ZC3H12B: variants seen among roughly 807,000 people sequenced by gnomAD.
The protein encoded by ZC3H12B is probable ribonuclease ZC3H12B.
Under a neutral mutation model 43.9 loss-of-function variants are expected in ZC3H12B, and 7 were observed. The observed-to-expected ratio is 0.16, with a 90% CI of 0.09 to 0.30. The LOEUF is 0.30. Among genes scored for constraint, ZC3H12B ranks in the 10% least tolerant of loss-of-function variants. The probability of loss-of-function intolerance (pLI) is 1.00; values close to 1 mark genes in which losing one functional copy is unlikely to be tolerated. For missense variants in ZC3H12B, 475 were observed against 670.2 expected (o/e 0.71, Z 3.22); for synonymous variants, 222 against 241.7 (o/e 0.92, Z 0.76).
At chrX:65,456,559 C>T in intron 3 of ZC3H12B, among the ~76,000 whole-genome samples, 1 of 106,042 alleles carries the variant, frequency 9.4e-6, no homozygotes, top group South Asian at 4.5e-4. Flanking sequence ...CTGCCTCAGC[C>T]TGCCGAGTGC....
upstream of ZC3H12B, among the ~76,000 whole-genome samples, chrX:65,361,952 G>A (rs755963880): frequency 1.8e-5 from 2 of 112,302 alleles, no homozygotes; most frequent in Non-Finnish European, 3.8e-5. Context: ...GCAGCAGCCA[G>A]GCATTCCTCC....
At chrX:65,373,365 A>G (rs1445678947) in intron 2 of ZC3H12B, among the ~76,000 whole-genome samples, 1 of 111,631 alleles carries the variant, frequency 9.0e-6, no homozygotes, top group Non-Finnish European at 1.9e-5. Flanking sequence ...TAGAAATACC[A>G]TTTGATCCAG....
chrX:65,331,006 T>C, the ZC3H12B span: 1 of 336,626 alleles, frequency 3.0e-6, no homozygotes, highest in South Asian at 3.1e-5. Context: ...CTGAATGACT[T>C]TTTGACGTTC....
the ZC3H12B span, among the ~76,000 whole-genome samples, chrX:65,058,348 C>A: frequency 7.1e-5 from 8 of 112,179 alleles, no homozygotes; most frequent in Non-Finnish European, 1.5e-4. Context: ...CCACTCCAGA[C>A]CGTGTTTGCC....
intron 3 of ZC3H12B, chrX:65,408,247 A>G: frequency 8.6e-7 from 1 of 1,165,364 alleles, no homozygotes; most frequent in Non-Finnish European, 1.2e-6. Context: ...GTGAAAAGAC[A>G]GAAATGCAGA....
At chrX:65,036,113 A>G in the ZC3H12B span, among the ~76,000 whole-genome samples, 1 of 111,830 alleles carries the variant, frequency 8.9e-6, no homozygotes, top group Admixed American at 9.5e-5. Flanking sequence ...ACCGGAAGTG[A>G]TATTCTGGAC....
In ZC3H12B at chrX:65,411,960, A is replaced by G. The variant is rs1019649695; in HGVS notation, n.407+13256A>G. Reference sequence around the variant, plus strand: ...AAAACAATATTACAAATAATAATACATATATAATTTTTCAAAATTAACTTA... The same window carrying G: ...AAAACAATATTACAAATAATAATACGTATATAATTTTTCAAAATTAACTTA... On this transcript the variant is annotated intron_variant and non_coding_transcript_variant, in intron 3 of 5. Coordinates refer to the ZC3H12B transcript ENST00000617377. Among the ~76,000 whole-genome samples, 113 of 110,817 alleles carry G rather than the reference A, an allele frequency of 1.0e-3. 1 individual carries two copies. Among genetic ancestry groups the G allele is most frequent in the Non-Finnish European group, 4.2e-4 (22 of 52,945 alleles).
At chrX:65,105,245 G>T in the ZC3H12B span, among the ~76,000 whole-genome samples, 1 of 109,199 alleles carries the variant, frequency 9.2e-6, no homozygotes, top group Non-Finnish European at 1.9e-5. Flanking sequence ...ACACATCAGG[G>T]CCTGTCGGGG....
chrX:65,422,925 CT>C (rs34567013), intron 3 of ZC3H12B, among the ~76,000 whole-genome samples: 844 of 46,058 alleles, frequency 0.018, 1 homozygote, highest in African/African-American at 0.078. Flanking sequence ...TCTTTCTTTG[CT>C]TTTTTTTTTT....
chrX:65,075,896 CAG>C, the ZC3H12B span, among the ~76,000 whole-genome samples: 1 of 111,641 alleles, frequency 9.0e-6, no homozygotes. Flanking sequence ...CTAAGCTGGG[CAG>C]AGAGACCATG....
intron 3 of ZC3H12B, among the ~76,000 whole-genome samples, chrX:65,422,538 A>AT (rs112403027): frequency 1.2e-3 from 125 of 106,383 alleles, no homozygotes; most frequent in East Asian, 6.7e-3. Flanking sequence ...TTGATGTTTT[A>AT]TTTTTTTTTT....
At chrX:65,302,249 G>A in the ZC3H12B span, among the ~76,000 whole-genome samples, 2 of 110,663 alleles carry the variant, frequency 1.8e-5, no homozygotes, top group East Asian at 5.6e-4. Context: ...TTTACAGGTG[G>A]CATAATTGTC....
the ZC3H12B span, among the ~76,000 whole-genome samples, chrX:65,212,963 G>T: frequency 6.6e-5 from 7 of 106,674 alleles, no homozygotes; most frequent in Admixed American, 7.4e-4. Flanking sequence ...ACCATCATTG[G>T]TCTGTGTAAT....
At chrX:65,133,890 C>T in the ZC3H12B span, among the ~76,000 whole-genome samples, 2 of 110,680 alleles carry the variant, frequency 1.8e-5, no homozygotes, top group Non-Finnish European at 3.8e-5. Flanking sequence ...TAAAAGAATG[C>T]CTGGCAGTCA....
At chrX:65,381,365 AC>A (rs1287755798) in intron 2 of ZC3H12B, among the ~76,000 whole-genome samples, 1 of 112,027 alleles carries the variant, frequency 8.9e-6, no homozygotes, top group Non-Finnish European at 1.9e-5. Context: ...TGGGTACATA[AC>A]GAAATGAAGG....
chrX:65,371,427 C>T (rs775828189), intron 2 of ZC3H12B, among the ~76,000 whole-genome samples: 1 of 111,367 alleles, frequency 9.0e-6, no homozygotes, highest in South Asian at 3.8e-4. Flanking sequence ...TATTTCTAAG[C>T]CCAGTTTTTT....
At chrX:65,293,052 G>T in the ZC3H12B span, among the ~76,000 whole-genome samples, 1 of 112,006 alleles carries the variant, frequency 8.9e-6, no homozygotes, top group South Asian at 3.7e-4. Flanking sequence ...CAACATTCCT[G>T]TAAATAATTC....
At chrX:65,313,335 A>T in the ZC3H12B span, among the ~76,000 whole-genome samples, 1 of 112,220 alleles carries the variant, frequency 8.9e-6, no homozygotes, top group Non-Finnish European at 1.9e-5. Flanking sequence ...TTTTTAAGTC[A>T]AATATCAGGA....
intron 3 of ZC3H12B, among the ~76,000 whole-genome samples, chrX:65,443,956 T>G (rs1386482686): frequency 8.9e-6 from 1 of 112,449 alleles, no homozygotes; most frequent in Non-Finnish European, 1.9e-5. Context: ...TTTAATCTAT[T>G]GAGCCACTCT....
Sources: gnomAD v4.1 joint callset for allele counts (sites outside exome capture counted in the v4.1 genomes callset) on GRCh38, gnomAD v4.1.1 for gene constraint, MANE v1.5 for transcripts, NCBI Gene and HGNC (gene_info 2026-07-23, HGNC 2026-07-21) for gene names.